IL16: variants seen among roughly 807,000 people sequenced by gnomAD.
IL16 encodes the protein pro-interleukin-16.
In IL16, 67 loss-of-function variants were observed where a neutral mutation model predicts 110.1. That is an observed-to-expected ratio of 0.61 (90% CI 0.50 to 0.75). The LOEUF (loss-of-function observed/expected upper bound fraction) is 0.75. IL16 is among the 30% of genes least tolerant of loss of function. The probability of loss-of-function intolerance (pLI) is 0.00; values close to 1 mark genes in which losing one functional copy is unlikely to be tolerated. For synonymous variants in IL16, 689 were observed against 662.9 expected (o/e 1.04, Z -0.61); for missense variants, 1,545 against 1,655.0 (o/e 0.93, Z 1.15).
intron 18 of IL16, among the ~76,000 whole-genome samples, chr15:81,307,053 G>A (rs547348009): frequency 1.3e-5 from 2 of 152,294 alleles, no homozygotes; most frequent in East Asian, 3.9e-4. Flanking sequence ...TATTTAAAAT[G>A]TTGATAGATA....
intron 6 of IL16, among the ~76,000 whole-genome samples, chr15:81,274,953 T>C (rs865791103): frequency 4.8e-4 from 73 of 151,972 alleles, no homozygotes; most frequent in Non-Finnish European, 8.1e-4. Flanking sequence ...AAGTGGGCCA[T>C]TGTGAGCCCC....
rs774301287 is a variant in IL16 at position 81,285,722 on chromosome 15, C to G, written c.1224C>G (p.Ile408Met). ...RLRCGDEIVE[I>M]SDSPVHCLTL... is the part of the protein sequence containing the mutation. Reference sequence around the variant, plus strand: ...GGTGTGGGGACGAGATTGTGGAAATCAGTGATTCCCCTGTGCACTGCCTGA... The same window carrying G: ...GGTGTGGGGACGAGATTGTGGAAATGAGTGATTCCCCTGTGCACTGCCTGA... Residue 408 changes from isoleucine (I) to methionine (M), a missense_variant, in exon 10 of 19, where the codon ATC becomes ATG. Around this residue, in one of 3 missense-constraint regions of IL16, gnomAD observed 1,185 missense variants for 1,238.8 expected, o/e 0.96. Transcript: ENST00000683961. 3 of 1,614,120 alleles carry G rather than the reference C, an allele frequency of 1.9e-6. No individual in the cohort carries two copies. Among genetic ancestry groups the G allele is most frequent in the Non-Finnish European group, 8.5e-7 (1 of 1,180,002 alleles).
intron 1 of IL16, among the ~76,000 whole-genome samples, chr15:81,207,380 A>T (rs186415046): frequency 6.6e-6 from 1 of 152,198 alleles, no homozygotes; most frequent in African/African-American, 2.4e-5. Flanking sequence ...ATTCACAAAA[A>T]GGCTAAGTAG....
rs569753304 is a variant in IL16 at position 81,214,253 on chromosome 15, A to G, written c.-101-11046A>G. Among the ~76,000 whole-genome samples the G allele has an allele frequency of 2.0e-3, 303 of 152,280 alleles. 3 individuals carry two copies. Among genetic ancestry groups the G allele is most frequent in the African/African-American group, 7.0e-3 (292 of 41,558 alleles). On this transcript the variant is annotated intron_variant, in intron 1 of 18. Transcript: ENST00000683961. ...GCTTAAGTGTGTTTTCTGTGGTAGC[A>G]GGTGTCATCCTTTTAATTCCATGTT...
intron 2 of IL16, among the ~76,000 whole-genome samples, chr15:81,246,443 A>C (rs1473483289): frequency 6.6e-6 from 1 of 152,154 alleles, no homozygotes; most frequent in Non-Finnish European, 1.5e-5. Context: ...GTGATCTTTT[A>C]AGATAATTTT....
At chr15:81,189,999 A>C (rs1454035019) in intron 1 of IL16, among the ~76,000 whole-genome samples, 1 of 152,138 alleles carries the variant, frequency 6.6e-6, no homozygotes, top group East Asian at 1.9e-4. Flanking sequence ...ACAGCTGGGC[A>C]CCATCCACCT....
chr15:81,196,020 C>A (rs1373872178), upstream of IL16, among the ~76,000 whole-genome samples: 1 of 152,152 alleles, frequency 6.6e-6, no homozygotes, highest in East Asian at 1.9e-4. Flanking sequence ...GCACCAAAAT[C>A]ACCTGGAGGC....
chr15:81,246,118 C>T (rs1897538100), intron 2 of IL16, among the ~76,000 whole-genome samples: 1 of 152,026 alleles, frequency 6.6e-6, no homozygotes, highest in Admixed American at 6.5e-5. Context: ...TTCTTCAAAC[C>T]ACCTTTCTTT....
At chr15:81,246,913 TAC>T (rs1897570322) in intron 2 of IL16, among the ~76,000 whole-genome samples, 1 of 152,186 alleles carries the variant, frequency 6.6e-6, no homozygotes, top group Non-Finnish European at 1.5e-5. Flanking sequence ...TTGATTTTGA[TAC>T]AGTTTATTTT....
chr15:81,238,948 C>A (rs1897261960), intron 2 of IL16, among the ~76,000 whole-genome samples: 1 of 150,442 alleles, frequency 6.6e-6, no homozygotes, highest in African/African-American at 2.4e-5. Flanking sequence ...TGTGTCCTGA[C>A]TTCTGACCTT....
At chr15:81,220,547 CT>C (rs1051794137) in intron 1 of IL16, among the ~76,000 whole-genome samples, 1 of 152,122 alleles carries the variant, frequency 6.6e-6, no homozygotes, top group Non-Finnish European at 1.5e-5. Context: ...AAATTACCCC[CT>C]GGGCTAGAGT....
chr15:81,275,892 T>A (rs1271182112), intron 6 of IL16, among the ~76,000 whole-genome samples: 1 of 152,218 alleles, frequency 6.6e-6, no homozygotes, highest in Non-Finnish European at 1.5e-5. Flanking sequence ...CAAGAAACTA[T>A]TGTGTAAGAT....
In IL16 at chr15:81,279,548, T is replaced by A. The variant is rs767837781; in HGVS notation, c.865-10T>A. 5.0e-6 allele frequency: 8 copies of A among 1,607,038 alleles called. No homozygotes were observed. The African/African-American group carries it at 8.0e-5, about 16-fold the overall frequency. On this transcript the variant is annotated splice_polypyrimidine_tract_variant and intron_variant, in intron 7 of 18. Transcript: ENST00000683961. ...CTGCTGGGTGTTGTAGCCCTCTCTC[T>A]TTCTTTCAGCAAGCCAAAAAGGGGC... is the stretch of plus-strand genomic sequence containing the variant.
chr15:81,184,924 T>C (rs1895396573), intron 1 of IL16, among the ~76,000 whole-genome samples: 1 of 152,212 alleles, frequency 6.6e-6, no homozygotes, highest in South Asian at 2.1e-4. Context: ...TGGTTGGATG[T>C]GTCCTCAATA....
intron 2 of IL16, among the ~76,000 whole-genome samples, chr15:81,256,366 C>T (rs941246762): frequency 6.9e-6 from 1 of 145,936 alleles, no homozygotes; most frequent in African/African-American, 2.6e-5. Flanking sequence ...CAGAGTCTCG[C>T]TCTGTCACCC....
In IL16 at chr15:81,310,268, C is replaced by T. The variant is rs547603129; in HGVS notation, c.*1470C>T. On this transcript the variant is annotated 3_prime_UTR_variant, in exon 19 of 19. Coordinates refer to ENST00000683961, the MANE Select transcript of IL16 (RefSeq NM_172217.5). ...ATGTTAATGTAATCTGATGGCTTCT[C>T]CAGGGTCCACAGGAAGTGAAGAATC... 1 of 152,234 alleles carries T rather than the reference C, an allele frequency of 6.6e-6. No homozygotes were observed. The highest frequency in any genetic ancestry group is 1.5e-5 in the Non-Finnish European group (1 of 68,040). The allele number at this position is 152,234 out of a possible 1,614,324, so 9.4% of individuals were successfully genotyped here.
rs539939009 is a variant in IL16 at position 81,186,524 on chromosome 15, C to T, written c.40+3628C>T. Among the ~76,000 whole-genome samples the T allele has an allele frequency of 1.3e-4, 20 of 152,288 alleles. No individual in the cohort carries two copies. In the South Asian group the frequency reaches 2.3e-3, roughly 17 times the overall value. The stretch of plus-strand genomic sequence containing the variant: ...TGGGTTGTGGATAACTTCTCAGTTC[C>T]GACAAAGTTATCTGAACCACCAGTC... On this transcript the variant is annotated intron_variant, in intron 1 of 18. Coordinates refer to the IL16 transcript ENST00000302987.
intron 2 of IL16, among the ~76,000 whole-genome samples, chr15:81,246,873 G>A (rs182371748): frequency 6.6e-6 from 1 of 151,978 alleles, no homozygotes; most frequent in East Asian, 1.9e-4. Flanking sequence ...ATTTTTACAG[G>A]CCCCTAAAAG....
intron 3 of IL16, among the ~76,000 whole-genome samples, chr15:81,260,765 C>G (rs1454749775): frequency 6.6e-6 from 1 of 152,208 alleles, no homozygotes; most frequent in African/African-American, 2.4e-5. Flanking sequence ...TTGGGCAAGT[C>G]CCCTCTGAGT....
Sources: allele counts gnomAD v4.1 joint callset (sites outside exome capture counted in the v4.1 genomes callset), GRCh38; gene constraint gnomAD v4.1.1; regional missense constraint gnomAD v4.1.1; transcripts MANE v1.5; gene names NCBI Gene and HGNC (gene_info 2026-07-23, HGNC 2026-07-21).